The following ANKRD36 variants were observed in gnomAD, a reference collection of about 807,000 sequenced individuals.
ANKRD36 encodes ankyrin repeat domain 36, also known as ankyrin repeat domain-containing protein 36A.
In ANKRD36, 179 loss-of-function variants were observed where a neutral mutation model predicts 278.1. The observed-to-expected ratio is 0.64, with a 90% CI of 0.57 to 0.73. The LOEUF (loss-of-function observed/expected upper bound fraction) is 0.73, where lower values mean the gene tolerates loss of function less well. Ranked by LOEUF, ANKRD36 falls within the 30% of genes least tolerant of loss-of-function variation. The pLI, the probability that ANKRD36 is intolerant of heterozygous loss-of-function variation, is 0.00. For synonymous variants in ANKRD36, 320 were observed against 641.1 expected (o/e 0.50, Z 7.57); for missense variants, 1,159 against 1,956.7 (o/e 0.59, Z 7.69).
In ANKRD36 at chr2:97,152,674, A is replaced by C. The variant is rs1409770434; in HGVS notation, c.1193+140A>C. On this transcript the variant is annotated intron_variant, in intron 14 of 75. Transcript: ENST00000420699. ...ATTTATCATGTCACACAACTTTAGAAACTATTTGTGCTGTTATTGCTTTTT... is the reference window on the plus strand; with the variant it reads ...ATTTATCATGTCACACAACTTTAGACACTATTTGTGCTGTTATTGCTTTTT... 24 of 789,260 alleles carry C rather than the reference A, an allele frequency of 3.0e-5. 3 individuals are homozygous for C. Among genetic ancestry groups the C allele is most frequent in the Non-Finnish European group, 4.3e-5 (24 of 555,882 alleles). The allele number at this position is 789,260 out of a possible 1,614,324, so 48.9% of individuals were successfully genotyped here.
chr2:97,184,693 G>T (rs1336054790), intron 28 of ANKRD36, among the ~76,000 whole-genome samples: 13 of 151,732 alleles, frequency 8.6e-5, no homozygotes, highest in African/African-American at 3.1e-4. Context: ...ATTACTGAAG[G>T]CTAAACTAGA....
At chr2:97,155,442 T>C (rs1472867200) in intron 15 of ANKRD36, among the ~76,000 whole-genome samples, 1 of 146,192 alleles carries the variant, frequency 6.8e-6, no homozygotes, top group Admixed American at 6.8e-5. Flanking sequence ...AGCTTATCTC[T>C]AATTTAAAAA....
chr2:97,146,908 T>C (rs968376892), intron 11 of ANKRD36, among the ~76,000 whole-genome samples: 1 of 151,938 alleles, frequency 6.6e-6, no homozygotes, highest in African/African-American at 2.4e-5. Context: ...TGTTATATAT[T>C]AACTCTCTTT....
chr2:97,130,498 A>G (rs2039854825), intron 6 of ANKRD36, among the ~76,000 whole-genome samples: 1 of 151,386 alleles, frequency 6.6e-6, no homozygotes, highest in African/African-American at 2.4e-5. Context: ...CTAATGCTAA[A>G]TGATGAGTTA....
chr2:97,174,684 G>A (rs2053706498), intron 22 of ANKRD36, among the ~76,000 whole-genome samples: 1 of 151,714 alleles, frequency 6.6e-6, no homozygotes, highest in Admixed American at 6.6e-5. Context: ...TGGTGAGAAA[G>A]GGCATCCCTG....
intron 62 of ANKRD36, 161 bp from the exon 63 acceptor site, chr2:97,217,016 G>A (rs1431171381): frequency 3.6e-6 from 5 of 1,394,110 alleles, no homozygotes; most frequent in Admixed American, 2.0e-5. Context: ...TTTATTCAGT[G>A]TATTTCTGTC....
At chr2:97,131,194 A>ATT (rs922425032) in intron 6 of ANKRD36, among the ~76,000 whole-genome samples, 3 of 144,182 alleles carry the variant, frequency 2.1e-5, no homozygotes, top group Non-Finnish European at 3.1e-5. Context: ...AAGTTTCTTG[A>ATT]TTTTTTTTTT....
chr2:97,262,868 A>G (rs1243704698), intron 75 of ANKRD36, among the ~76,000 whole-genome samples: 1 of 143,892 alleles, frequency 6.9e-6, no homozygotes, highest in Non-Finnish European at 1.5e-5. Flanking sequence ...CCTGACCAGA[A>G]GCTGTGCAGA....
At position 97,199,398 on chromosome 2, in the gene ANKRD36, T is replaced by A. The variant is rs186109156; in HGVS notation, c.2755+740T>A. Among the ~76,000 whole-genome samples the A allele has an allele frequency of 2.3e-3, 351 of 151,996 alleles. 2 individuals are homozygous for A. The highest frequency in any genetic ancestry group is 8.1e-3 in the African/African-American group (338 of 41,536). ...AATCTTGAATGTGAATAAATTTTGC[T>A]TCCTTGTTCAAGGAGCTACCTGTTG... On this transcript the variant is annotated intron_variant, in intron 44 of 75. Coordinates refer to ENST00000420699, the MANE Select transcript of ANKRD36 (RefSeq NM_001354587.1).
intron 1 of ANKRD36, among the ~76,000 whole-genome samples, chr2:97,115,807 C>T (rs934535961): frequency 2.6e-5 from 4 of 151,250 alleles, no homozygotes; most frequent in South Asian, 2.1e-4. Context: ...ACTAAAATAT[C>T]TCTAGGAAAT....
At chr2:97,118,721 C>T in intron 3 of ANKRD36, 1 of 337,486 alleles carries the variant, frequency 3.0e-6, no homozygotes, top group Non-Finnish European at 5.1e-6. Context: ...TTTTCATGCA[C>T]TTATGGTAAA....
rs1216989277 is a variant in ANKRD36, at chr2:97,114,809, CTCTT to C, written c.197+877_197+880del. 2.0e-5 allele frequency among the ~76,000 whole-genome samples: 3 copies of C among 148,120 alleles called. 1 individual carries two copies. In the Middle Eastern group the frequency reaches 0.01, roughly 507 times the overall value. ...AGACACATTTTTCTAAAGTTCTGAG[CTCTT>C]TCTGTGTTTATAAATTTTACATAAT... On this transcript the variant is annotated intron_variant, in intron 1 of 75. Coordinates refer to ENST00000420699, the MANE Select transcript of ANKRD36 (RefSeq NM_001354587.1).
intron 44 of ANKRD36, among the ~76,000 whole-genome samples, chr2:97,198,946 C>A (rs1432853625): frequency 3.3e-5 from 5 of 151,956 alleles, no homozygotes; most frequent in African/African-American, 9.6e-5. Context: ...CTTTAATTCT[C>A]CAGCTTGTTT....
chr2:97,147,231 C>A (rs1454960131), intron 11 of ANKRD36, among the ~76,000 whole-genome samples: 1 of 151,874 alleles, frequency 6.6e-6, no homozygotes, highest in African/African-American at 2.4e-5. Context: ...TTTAAGTGAG[C>A]ACCCTGCCTA....
intron 22 of ANKRD36, among the ~76,000 whole-genome samples, chr2:97,171,651 T>C (rs1220174575): frequency 7.0e-6 from 1 of 143,564 alleles, no homozygotes; most frequent in Non-Finnish European, 1.5e-5. Flanking sequence ...TGTATACATA[T>C]GTAACTAACC....
intron 3 of ANKRD36, among the ~76,000 whole-genome samples, chr2:97,122,509 G>T (rs2037172032): frequency 6.8e-6 from 1 of 146,828 alleles, no homozygotes; most frequent in Non-Finnish European, 1.5e-5. Context: ...ATTTATTACT[G>T]TGTCTTAGAG....
chr2:97,175,494 G>A (rs570900640), intron 22 of ANKRD36, among the ~76,000 whole-genome samples: 24 of 151,716 alleles, frequency 1.6e-4, no homozygotes, highest in South Asian at 6.3e-4. Context: ...TTTTTATTGC[G>A]TCTATTTGAA....
intron 66 of ANKRD36, among the ~76,000 whole-genome samples, chr2:97,224,580 G>T (rs1481011409): frequency 6.6e-6 from 1 of 151,940 alleles, no homozygotes; most frequent in Non-Finnish European, 1.5e-5. Context: ...CTCCCGACTA[G>T]CTGGGACTAC....
chr2:97,131,962 G>A (rs570414910), intron 6 of ANKRD36, among the ~76,000 whole-genome samples: 1 of 151,684 alleles, frequency 6.6e-6, no homozygotes, highest in Non-Finnish European at 1.5e-5. Context: ...CCAAGTAGCT[G>A]GGACTACAGG....
Sources: gnomAD v4.1 joint callset for allele counts (sites outside exome capture counted in the v4.1 genomes callset) on GRCh38, gnomAD v4.1.1 for gene constraint, MANE v1.5 for transcripts, NCBI Gene and HGNC (gene_info 2026-07-23, HGNC 2026-07-21) for gene names.